The following HERC2 variants were observed in gnomAD, a reference collection of about 807,000 sequenced individuals.
HERC2 encodes the protein HECT and RLD domain containing E3 ubiquitin protein ligase 2, also known as E3 ubiquitin-protein ligase HERC2.
HERC2 carries 102 observed loss-of-function variants against 537.7 expected under a neutral mutation model. The ratio of observed to expected loss-of-function variants is 0.19; its 90% CI spans 0.16 to 0.22. HERC2 has a LOEUF of 0.22. HERC2 is among the 10% of genes least tolerant of loss of function. The probability of loss-of-function intolerance (pLI) is 1.00; values close to 1 mark genes in which losing one functional copy is unlikely to be tolerated. For missense variants in HERC2, 4,236 were observed against 6,198.2 expected (o/e 0.68, Z 10.63); for synonymous variants, 2,224 against 2,466.2 (o/e 0.90, Z 2.91).
At chr15:28,274,596 C>T in intron 6 of HERC2, 149 bp from the exon 7 acceptor site, 2 of 788,692 alleles carry the variant, frequency 2.5e-6, no homozygotes, top group South Asian at 1.8e-5. Context: ...CCAGTCAATT[C>T]TGTGTTTCAC....
chr15:28,199,815 T>C (rs763947706), intron 48 of HERC2, among the ~76,000 whole-genome samples: 1 of 152,068 alleles, frequency 6.6e-6, no homozygotes, highest in African/African-American at 2.4e-5. Context: ...ACTCCTATTG[T>C]ATTGGAGAAA....
intron 35 of HERC2, among the ~76,000 whole-genome samples, chr15:28,223,477 G>A (rs554074498): frequency 6.6e-6 from 1 of 152,110 alleles, no homozygotes; most frequent in African/African-American, 2.4e-5. Context: ...AAACTAGCAG[G>A]GGAAACAGCC....
rs547272647 is a variant in HERC2, at chr15:28,270,202, TATAG to T, written c.1257+489_1257+492del. On this transcript the variant is annotated intron_variant, in intron 10 of 92. Transcript: ENST00000261609. The stretch of plus-strand genomic sequence containing the variant: ...GGAGAACCCACTCTTTTTATTTATT[TATAG>T]ATAGATAGATAGATAGAACCCACTC... Among the ~76,000 whole-genome samples the T allele has an allele frequency of 3.4e-3, 512 of 151,910 alleles. 2 individuals are homozygous for T. Among genetic ancestry groups the T allele is most frequent in the African/African-American group, 0.011 (452 of 41,368 alleles).
At chr15:28,224,561 G>T (rs563771785) in intron 35 of HERC2, among the ~76,000 whole-genome samples, 6 of 152,266 alleles carry the variant, frequency 3.9e-5, no homozygotes, top group African/African-American at 1.4e-4. Context: ...GTGATTAAAA[G>T]AGCTTGGGAA....
intron 56 of HERC2, among the ~76,000 whole-genome samples, chr15:28,185,733 T>C (rs1214123794): frequency 3.9e-5 from 6 of 152,230 alleles, no homozygotes; most frequent in African/African-American, 1.4e-4. Context: ...TCTGTACGTA[T>C]GGCCTGGGGG....
chr15:28,315,932 C>T (rs1055867001), intron 2 of HERC2: 13 of 409,418 alleles, frequency 3.2e-5, no homozygotes, highest in African/African-American at 2.6e-4. Context: ...CCTCTGAGAC[C>T]CACCTTGCTC....
chr15:28,193,444 A>G (rs994542972), intron 52 of HERC2, among the ~76,000 whole-genome samples: 3 of 152,204 alleles, frequency 2.0e-5, no homozygotes, highest in Non-Finnish European at 4.4e-5. Context: ...AAAAGTTTAG[A>G]AAACATAACA....
chr15:28,228,423 G>C lies in HERC2; in HGVS notation c.5273-14C>G. ...CCGGCTGGATACCTAATGAGCATTGGCACCTACTGACATTTCTTGTGATGG... is the reference window on the plus strand; with the variant it reads ...CCGGCTGGATACCTAATGAGCATTGCCACCTACTGACATTTCTTGTGATGG... On this transcript the variant is annotated splice_polypyrimidine_tract_variant and intron_variant, in intron 34 of 92. Coordinates refer to ENST00000261609, the MANE Select transcript of HERC2 (RefSeq NM_004667.6). The C allele has an allele frequency of 6.2e-7, 1 of 1,610,948 alleles. No homozygotes were observed. Among genetic ancestry groups the C allele is most frequent in the Non-Finnish European group, 8.5e-7 (1 of 1,178,966 alleles).
chr15:28,208,817 T>C (rs553438339), intron 44 of HERC2, among the ~76,000 whole-genome samples: 82 of 152,306 alleles, frequency 5.4e-4, no homozygotes, highest in African/African-American at 1.9e-3. Flanking sequence ...TGGCTCCAGA[T>C]GCCTGTGGAA....
intron 89 of HERC2, 176 bp downstream of exon 89, chr15:28,115,253 A>C: frequency 1.9e-6 from 1 of 533,450 alleles, no homozygotes; most frequent in Non-Finnish European, 3.3e-6. Context: ...ACCAGAAAAT[A>C]GATGGTCTAT....
In HERC2 at chr15:28,298,798, C is replaced by A. The variant is rs572104143; in HGVS notation, c.187+604G>T. Among the ~76,000 whole-genome samples the A allele has an allele frequency of 2.5e-4, 38 of 151,750 alleles. 1 individual carries two copies. In the Middle Eastern group the frequency reaches 0.01, roughly 41 times the overall value. On this transcript the variant is annotated intron_variant, in intron 3 of 92. Coordinates refer to ENST00000261609, the MANE Select transcript of HERC2 (RefSeq NM_004667.6). ...GCAACAGAGCAAGACTCCTTCCCCC[C>A]CAAAAAAAAGAAGAAGAAGAAATAC...
rs553094249 is a variant in HERC2, at chr15:28,122,012, G to A, written c.13189-583C>T. On this transcript the variant is annotated intron_variant, in intron 85 of 92. Transcript: ENST00000261609. The surrounding 1 kb of genome is among the most constrained non-coding windows in gnomAD (Gnocchi z 4.1). ...GCCAGGGAGCACCGCGGAGCCAGCC[G>A]GACCTTGGATCGCCACTGCCTGCCA... Among the ~76,000 whole-genome samples the A allele has an allele frequency of 1.1e-4, 17 of 150,304 alleles. 1 individual carries two copies. The highest frequency in any genetic ancestry group is 2.4e-4 in the African/African-American group (10 of 40,946).
At chr15:28,117,405 G>A in intron 86 of HERC2, 1 of 695,680 alleles carries the variant, frequency 1.4e-6, no homozygotes. Flanking sequence ...CAGGACTAGT[G>A]TGTCTGAACA....
chr15:28,125,032 C>T lies in HERC2; in HGVS notation c.12964G>A (p.Ala4322Thr), dbSNP rs200220947. The T allele has an allele frequency of 7.1e-5, 114 of 1,603,970 alleles. 1 individual carries two copies. The East Asian group carries it at 1.1e-3, about 15-fold the overall frequency. The part of the protein sequence containing the change: ...HTLAWSTSKP[A>T]SAGKLPAQVP... ...TGTGCAGGGAGTTTGCCAGCACTGGCGGGCTTGCTGGTCGACCAGGCGAGG... is the reference window on the plus strand; with the variant it reads ...TGTGCAGGGAGTTTGCCAGCACTGGTGGGCTTGCTGGTCGACCAGGCGAGG... The change falls in exon 84 of 93, where the codon GCC becomes ACC. Residue 4322 changes from alanine to threonine, a missense_variant. Transcript: ENST00000261609.
At position 28,191,956 on chromosome 15, in the gene HERC2, GCT is replaced by G; in HGVS notation, c.8451+3_8451+4del. 1 of 1,612,030 alleles carries G rather than the reference GCT, an allele frequency of 6.2e-7. No homozygotes were observed. The highest frequency in any genetic ancestry group is 8.5e-7 in the Non-Finnish European group (1 of 1,179,356). On this transcript the variant is annotated splice_donor_region_variant and intron_variant, in intron 53 of 92. Transcript: ENST00000261609. ...TGCCCGCTGCTGTGCCCTATTAGAT[GCT>G]ACCTTTCCTTGCGACCCCGATGACT...
chr15:28,208,871 G>C (rs1213670078), intron 44 of HERC2, among the ~76,000 whole-genome samples: 2 of 152,150 alleles, frequency 1.3e-5, no homozygotes, highest in African/African-American at 4.8e-5. Flanking sequence ...AGGACAAAGA[G>C]AGCCATCTGC....
intron 5 of HERC2, among the ~76,000 whole-genome samples, chr15:28,278,477 A>AT (rs1212429073): frequency 2.0e-5 from 3 of 152,016 alleles, no homozygotes; most frequent in Admixed American, 1.3e-4. Flanking sequence ...TTTTCTTTGT[A>AT]TTTTTTTATT....
At chr15:28,175,986 C>G (rs990966849) in intron 63 of HERC2, among the ~76,000 whole-genome samples, 2 of 152,180 alleles carry the variant, frequency 1.3e-5, no homozygotes, top group Admixed American at 6.5e-5. Flanking sequence ...CAAGCTGCCT[C>G]GGGTCATGAC....
chr15:28,303,462 A>G (rs1461514874), intron 2 of HERC2, among the ~76,000 whole-genome samples: 1 of 152,228 alleles, frequency 6.6e-6, no homozygotes, highest in Non-Finnish European at 1.5e-5. Context: ...TGACTGTAGT[A>G]TAATTTTAAG....
Sources: gnomAD v4.1 joint callset for allele counts (sites outside exome capture counted in the v4.1 genomes callset) on GRCh38, gnomAD v4.1.1 for gene constraint, Gnocchi (gnomAD v3.1) non-coding constraint, MANE v1.5 for transcripts, NCBI Gene and HGNC (gene_info 2026-07-23, HGNC 2026-07-21) for gene names.